The following PPFIA1 variants were observed in gnomAD, a reference collection of about 807,000 sequenced individuals.
PPFIA1 encodes liprin-alpha-1.
PPFIA1 carries 25 observed loss-of-function variants against 149.9 expected under a neutral mutation model. The observed-to-expected ratio is 0.17, with a 90% CI of 0.12 to 0.23. The LOEUF (loss-of-function observed/expected upper bound fraction) is 0.23. Ranked by LOEUF, PPFIA1 falls within the 10% of genes least tolerant of loss-of-function variation. The probability of loss-of-function intolerance (pLI) is 1.00; values close to 1 mark genes in which losing one functional copy is unlikely to be tolerated. For synonymous variants in PPFIA1, 549 were observed against 552.8 expected (o/e 0.99, Z 0.10); for missense variants, 1,362 against 1,506.5 (o/e 0.90, Z 1.59).
chr11:70,289,353 C>T (rs898352371), intron 2 of PPFIA1, among the ~76,000 whole-genome samples: 4 of 152,098 alleles, frequency 2.6e-5, no homozygotes, highest in Non-Finnish European at 5.9e-5. Flanking sequence ...CATACTGATT[C>T]TTTAAAATAA....
At position 70,326,372 on chromosome 11, in the gene PPFIA1, G is replaced by C. The variant is rs1474265266; in HGVS notation, c.708+9G>C. ...CAAGCACGAGTGGAAAGGCAAGTCTGTAGGCTTTGTCTTTATTCTGTTTGA... is the reference window on the plus strand; with the variant it reads ...CAAGCACGAGTGGAAAGGCAAGTCTCTAGGCTTTGTCTTTATTCTGTTTGA... On this transcript the variant is annotated intron_variant, in intron 6 of 27. Coordinates refer to ENST00000253925, the MANE Select transcript of PPFIA1 (RefSeq NM_003626.5). The C allele has an allele frequency of 6.4e-7, 1 of 1,561,474 alleles. No individual in the cohort carries two copies. The highest frequency in any genetic ancestry group is 8.8e-7 in the Non-Finnish European group (1 of 1,137,352).
chr11:70,313,420 C>T (rs1349746988), intron 2 of PPFIA1, among the ~76,000 whole-genome samples: 1 of 152,068 alleles, frequency 6.6e-6, no homozygotes, highest in Admixed American at 6.6e-5. Context: ...TGATTTGTTT[C>T]GGAAAACATA....
At position 70,354,309 on chromosome 11, in the gene PPFIA1, T is replaced by C; in HGVS notation, c.2172T>C (p.Pro724=). The change falls in exon 17 of 28, where the codon CCT becomes CCC. Residue 724 remains proline, a synonymous_variant. Transcript: ENST00000253925. ...DRLGVMTLLP[P]SREEVRDDKT... ...CTTCTCTCACCCCTCAGTTGCCACC[T>C]TCCAGAGAAGAGGTACGAGATGACA... The C allele has an allele frequency of 1.2e-6, 2 of 1,612,984 alleles. No homozygotes were observed. Among genetic ancestry groups the C allele is most frequent in the Admixed American group, 1.7e-5 (1 of 59,744 alleles).
intron 26 of PPFIA1, 93 bp downstream of exon 26, chr11:70,378,288 A>G (rs2057568594): frequency 6.8e-7 from 1 of 1,476,288 alleles, no homozygotes; most frequent in Non-Finnish European, 9.0e-7. Context: ...GGCCTATTTA[A>G]TATGTTACAA....
intron 14 of PPFIA1, among the ~76,000 whole-genome samples, chr11:70,339,668 T>C (rs933393303): frequency 6.7e-6 from 1 of 149,926 alleles, no homozygotes; most frequent in Non-Finnish European, 1.5e-5. Context: ...CTTATAAAAA[T>C]ACAGTCACTT....
At chr11:70,281,314 C>G (rs1375596136) in intron 2 of PPFIA1, among the ~76,000 whole-genome samples, 3 of 152,168 alleles carry the variant, frequency 2.0e-5, no homozygotes, top group Admixed American at 2.0e-4. Flanking sequence ...GCCTGGGTGA[C>G]CAGAGGCTGG....
chr11:70,293,037 G>A (rs2051641757), intron 2 of PPFIA1, among the ~76,000 whole-genome samples: 2 of 152,214 alleles, frequency 1.3e-5, no homozygotes, highest in Non-Finnish European at 2.9e-5. Flanking sequence ...TCTGAGCAAG[G>A]TGCCTGCCCA....
At chr11:70,277,060 A>ATATATATTT in intron 2 of PPFIA1, among the ~76,000 whole-genome samples, 7 of 66,312 alleles carry the variant, frequency 1.1e-4, no homozygotes, top group African/African-American at 7.0e-4. Context: ...ATATATATAT[A>ATATATATTT]TTTTTTTTTT....
chr11:70,294,587 G>T (rs1199287402), intron 2 of PPFIA1, among the ~76,000 whole-genome samples: 2 of 150,634 alleles, frequency 1.3e-5, no homozygotes, highest in South Asian at 2.1e-4. Flanking sequence ...ATCATTCTTG[G>T]GTGTTTCTCA....
chr11:70,308,992 T>TC (rs1324860260), intron 2 of PPFIA1, among the ~76,000 whole-genome samples: 1 of 152,170 alleles, frequency 6.6e-6, no homozygotes, highest in East Asian at 1.9e-4. Flanking sequence ...ATCAAGGGTT[T>TC]CTGCCCTTTA....
chr11:70,335,773 G>A, intron 11 of PPFIA1, 79 bp downstream of exon 11: 1 of 1,522,074 alleles, frequency 6.6e-7, no homozygotes, highest in South Asian at 1.1e-5. Flanking sequence ...GAGCAGGCGT[G>A]TGTAACAGTG....
At chr11:70,317,337 A>G (rs113442244) in intron 2 of PPFIA1, among the ~76,000 whole-genome samples, 9 of 152,162 alleles carry the variant, frequency 5.9e-5, no homozygotes, top group Non-Finnish European at 1.5e-5. Context: ...GTCCCGTCTA[A>G]TGTTTACCTA....
intron 2 of PPFIA1, among the ~76,000 whole-genome samples, chr11:70,291,165 C>T (rs1186166719): frequency 6.6e-6 from 1 of 152,118 alleles, no homozygotes; most frequent in Admixed American, 6.6e-5. Flanking sequence ...GGATTACAGG[C>T]GTGAGCCACC....
intron 16 of PPFIA1, among the ~76,000 whole-genome samples, chr11:70,352,602 C>T (rs1287973567): frequency 6.6e-6 from 1 of 151,980 alleles, no homozygotes; most frequent in Admixed American, 6.6e-5. Flanking sequence ...AAGAGACTGT[C>T]GCCTTCCTTC....
chr11:70,293,866 G>T (rs2051703634), intron 2 of PPFIA1, among the ~76,000 whole-genome samples: 1 of 151,914 alleles, frequency 6.6e-6, no homozygotes, highest in Admixed American at 6.6e-5. Flanking sequence ...AAAGCCCTAG[G>T]ACTAGCGATT....
intron 2 of PPFIA1, among the ~76,000 whole-genome samples, chr11:70,289,029 G>A (rs1318828365): frequency 2.7e-5 from 4 of 149,894 alleles, no homozygotes; most frequent in Non-Finnish European, 5.9e-5. Flanking sequence ...GTGCAATGGC[G>A]CCATCTCAGC....
chr11:70,295,522 C>T (rs1202608158), intron 2 of PPFIA1, among the ~76,000 whole-genome samples: 4 of 139,398 alleles, frequency 2.9e-5, no homozygotes, highest in African/African-American at 5.4e-5. Flanking sequence ...ACCCCCCCCA[C>T]CTCCCTCCCG....
chr11:70,279,722 G>GGTGTGTGTGTGTGTGT (rs71046599), intron 2 of PPFIA1, among the ~76,000 whole-genome samples: 1 of 135,308 alleles, frequency 7.4e-6, no homozygotes, highest in Admixed American at 7.3e-5. Context: ...TATGTGTCTA[G>GGTGTGTGTGTGTGTGT]GTGTGTGTGT....
At chr11:70,298,104 T>C (rs2052208040) in intron 2 of PPFIA1, among the ~76,000 whole-genome samples, 1 of 151,052 alleles carries the variant, frequency 6.6e-6, no homozygotes, top group Non-Finnish European at 1.5e-5. Context: ...AAAGAACACA[T>C]ATTGAATGAA....
Sources: allele counts gnomAD v4.1 joint callset (sites outside exome capture counted in the v4.1 genomes callset), GRCh38; gene constraint gnomAD v4.1.1; transcripts MANE v1.5; gene names NCBI Gene and HGNC (gene_info 2026-07-23, HGNC 2026-07-21).